The following RAB8A variants were observed in gnomAD, a reference collection of about 807,000 sequenced individuals.
RAB8A encodes the protein RAB8A, member RAS oncogene family.
In RAB8A, 5 loss-of-function variants were observed where a neutral mutation model predicts 29.2. That is an observed-to-expected ratio of 0.17 (90% CI 0.09 to 0.36). RAB8A has a LOEUF of 0.36. Among genes scored for constraint, RAB8A ranks in the 10% least tolerant of loss-of-function variants. The pLI is 1.00. For missense variants in RAB8A, 171 were observed against 272.2 expected, an observed-to-expected ratio of 0.63 and a Z score of 2.62; for synonymous variants, 108 against 99.9, an observed-to-expected ratio of 1.08 and a Z score of -0.49.
In RAB8A at chr19:16,132,452, A is replaced by G. The variant is rs2090930244; in HGVS notation, c.*148A>G. ...CACGGCCACCAGAATGCAATTGAGA[A>G]ATCGTTTATTTTAGTAACTGTCTGA... On this transcript the variant is annotated 3_prime_UTR_variant, in exon 8 of 8. Transcript: ENST00000300935. The surrounding 1 kb of genome is among the most constrained non-coding windows in gnomAD (Gnocchi z 5.6). The G allele has an allele frequency of 4.5e-6, 3 of 663,560 alleles. No homozygotes were observed. The highest frequency in any genetic ancestry group is 1.8e-5 in the African/African-American group (1 of 54,714). The allele number at this position is 663,560 out of a possible 1,614,324, so 41.1% of individuals were successfully genotyped here.
Position 16,125,579 on chromosome 19 carries a change from GC to G in RAB8A, c.324+33del. 6.3e-7 allele frequency: 1 copy of G among 1,580,576 alleles called. No individual in the cohort carries two copies. Among genetic ancestry groups the G allele is most frequent in the Non-Finnish European group, 8.7e-7 (1 of 1,155,280 alleles). ...CCCTCCGGCTCCTCCCACTGTCCCTGCTTCAGTCCTTGTCCCAGAGCCCTCT... is the reference window on the plus strand; with the variant it reads ...CCCTCCGGCTCCTCCCACTGTCCCTGTTCAGTCCTTGTCCCAGAGCCCTCT... On this transcript the variant is annotated intron_variant, in intron 4 of 7. Transcript: ENST00000300935. The surrounding 1 kb of genome is among the most constrained non-coding windows in gnomAD (Gnocchi z 5.0).
At chr19:16,130,874 AGTGCAATG>A (rs1272816571) in intron 7 of RAB8A, among the ~76,000 whole-genome samples, 1 of 151,890 alleles carries the variant, frequency 6.6e-6, no homozygotes, top group African/African-American at 2.4e-5. Flanking sequence ...CCCAGGCTAG[AGTGCAATG>A]GTGCAATCCC....
At chr19:16,112,262 G>A (rs528227155) in intron 1 of RAB8A, 53 of 535,292 alleles carry the variant, frequency 9.9e-5, no homozygotes, top group African/African-American at 7.7e-4. Context: ...CCCTCAGCCC[G>A]CTCGTTAGGG....
At position 16,133,350 on chromosome 19, in the gene RAB8A, T is replaced by C. The variant is rs893603724; in HGVS notation, c.*1046T>C. On this transcript the variant is annotated 3_prime_UTR_variant, in exon 8 of 8. Coordinates refer to ENST00000300935, the MANE Select transcript of RAB8A (RefSeq NM_005370.5). Reference sequence around the variant, plus strand: ...AGTCTGGCTTGATTTTCAGCCGTCATCATTGGGTTCTGTTTTGACAGCTCT... The same window carrying C: ...AGTCTGGCTTGATTTTCAGCCGTCACCATTGGGTTCTGTTTTGACAGCTCT... The C allele has an allele frequency of 2.6e-5, 4 of 152,252 alleles. No homozygotes were observed. Among genetic ancestry groups the C allele is most frequent in the African/African-American group, 9.7e-5 (4 of 41,430 alleles). The allele number at this position is 152,252 out of a possible 1,614,324, so 9.4% of individuals were successfully genotyped here.
rs545006979 is a variant in RAB8A at position 16,129,446 on chromosome 19, A to C, written c.481-108A>C. The C allele has an allele frequency of 2.1e-5, 23 of 1,094,970 alleles. No individual in the cohort carries two copies. The African/African-American group carries it at 3.4e-4, about 16-fold the overall frequency. 67.8% of individuals were successfully genotyped at this position (1,094,970 alleles called of 1,614,324 possible). A position where few individuals can be genotyped will look rare whatever the true frequency, so the allele number is the denominator to read the frequency against. On this transcript the variant is annotated intron_variant, in intron 6 of 7. Coordinates refer to ENST00000300935, the MANE Select transcript of RAB8A (RefSeq NM_005370.5). ...CCAGAGGCGGGCATCAAAGGGCCAA[A>C]TGGGAGGCCCACGCCTGGGAAGCTG...
At position 16,121,997 on chromosome 19, in the gene RAB8A, C is replaced by T. The variant is rs2090877611; in HGVS notation, c.246+187C>T. 5.6e-6 allele frequency: 3 copies of T among 539,658 alleles called. No individual in the cohort carries two copies. The East Asian group carries it at 8.6e-5, about 16-fold the overall frequency. The allele number at this position is 539,658 out of a possible 1,614,324, so 33.4% of individuals were successfully genotyped here. A position where few individuals can be genotyped will look rare whatever the true frequency, so the allele number is the denominator to read the frequency against. On this transcript the variant is annotated intron_variant, in intron 3 of 7. Transcript: ENST00000300935. ...CGGCCTACCCCCATGTACATACCTC[C>T]CCTTCTGGCTGCAGAGACAATGCAA...
At chr19:16,118,009 CT>C (rs1166684304) in intron 1 of RAB8A, among the ~76,000 whole-genome samples, 1 of 152,134 alleles carries the variant, frequency 6.6e-6, no homozygotes, top group East Asian at 1.9e-4. Flanking sequence ...CCCGCGCCCC[CT>C]GGGTTTGCTC....
chr19:16,112,145 G>C, intron 1 of RAB8A, 120 bp downstream of exon 1: 1 of 1,393,990 alleles, frequency 7.2e-7, no homozygotes, highest in Non-Finnish European at 9.7e-7. Flanking sequence ...GGGTCGAGGG[G>C]GCCTAAAGGG....
chr19:16,124,003 C>T (rs2090886250), intron 3 of RAB8A: 1 of 152,098 alleles, frequency 6.6e-6, no homozygotes, highest in Non-Finnish European at 1.5e-5. Flanking sequence ...CCCTCAGCTC[C>T]CTGAAATAGG....
chr19:16,120,849 G>A (rs993320931), intron 2 of RAB8A, among the ~76,000 whole-genome samples: 1 of 151,972 alleles, frequency 6.6e-6, no homozygotes, highest in African/African-American at 2.4e-5. Context: ...GGCCTCAGGT[G>A]ATCCACCCGC....
Position 16,132,110 on chromosome 19 carries a change from TTGGA to T in RAB8A, c.532-94_532-91del. 1.1e-6 allele frequency: 1 copy of T among 927,782 alleles called. No homozygotes were observed. The highest frequency in any genetic ancestry group is 1.7e-6 in the Non-Finnish European group (1 of 587,070). The allele number at this position is 927,782 out of a possible 1,614,324, so 57.5% of individuals were successfully genotyped here. A position where few individuals can be genotyped will look rare whatever the true frequency, so the allele number is the denominator to read the frequency against. On this transcript the variant is annotated intron_variant, in intron 7 of 7. Coordinates refer to ENST00000300935, the MANE Select transcript of RAB8A (RefSeq NM_005370.5). The surrounding 1 kb of genome is among the most constrained non-coding windows in gnomAD (Gnocchi z 5.6). The stretch of plus-strand genomic sequence containing the variant: ...GTTGGTTGGTTGGTTGGTTGGATGG[TTGGA>T]TGGATGGTTAGGTGGATGGTTAGGT...
intron 2 of RAB8A, among the ~76,000 whole-genome samples, chr19:16,118,886 A>T (rs2090859607): frequency 6.6e-6 from 1 of 152,248 alleles, no homozygotes; most frequent in Admixed American, 6.5e-5. Flanking sequence ...GGAGACTCCA[A>T]GTCGCCATCG....
intron 1 of RAB8A, 140 bp downstream of exon 1, chr19:16,112,165 G>T: frequency 3.2e-6 from 4 of 1,269,588 alleles, no homozygotes; most frequent in Middle Eastern, 2.8e-4. Context: ...GAGAAGAGCA[G>T]TCGCCTGCAC....
In RAB8A at chr19:16,127,939, C is replaced by T. The variant is rs758293183; in HGVS notation, c.415-87C>T. ...GCCCTGTTGCTGCTCCCTCTTGGCG[C>T]CGGCCCTGCCTTCAGCTCCTGTTTT... On this transcript the variant is annotated intron_variant, in intron 5 of 7. Transcript: ENST00000300935. This position sits in a 1 kb window ranked among gnomAD's most constrained non-coding sequence, Gnocchi z 4.8. 2.8e-6 allele frequency: 4 copies of T among 1,406,666 alleles called. No homozygotes were observed. The East Asian group carries it at 6.9e-5, about 24-fold the overall frequency. 87.1% of individuals were successfully genotyped at this position (1,406,666 alleles called of 1,614,324 possible). A position where few individuals can be genotyped will look rare whatever the true frequency, so the allele number is the denominator to read the frequency against.
chr19:16,119,971 G>A (rs1488884059), intron 2 of RAB8A, among the ~76,000 whole-genome samples: 3 of 151,814 alleles, frequency 2.0e-5, no homozygotes, highest in Non-Finnish European at 2.9e-5. Context: ...CTGCCACCAC[G>A]CTCGGCTAAT....
intron 2 of RAB8A, 51 bp downstream of exon 2, chr19:16,118,337 C>T: frequency 6.5e-7 from 1 of 1,550,164 alleles, no homozygotes; most frequent in Middle Eastern, 1.7e-4. Context: ...TGGCTTCAAG[C>T]CAGAAGCCCT....
intron 4 of RAB8A, chr19:16,126,358 C>T (rs1041077429): frequency 6.5e-6 from 1 of 152,970 alleles, no homozygotes; most frequent in East Asian, 1.9e-4. Context: ...AAGCTGTCTT[C>T]ATCCGTGGAG....
At chr19:16,120,862 C>T (rs560816344) in intron 2 of RAB8A, among the ~76,000 whole-genome samples, 1 of 151,966 alleles carries the variant, frequency 6.6e-6, no homozygotes, top group Non-Finnish European at 1.5e-5. Context: ...CCACCCGCCT[C>T]GGCCTCTTAA....
At chr19:16,128,888 ACTCTC>A (rs2090913313) in intron 6 of RAB8A, among the ~76,000 whole-genome samples, 1 of 151,348 alleles carries the variant, frequency 6.6e-6, no homozygotes, top group Admixed American at 6.6e-5. Context: ...ACCCCAAGCC[ACTCTC>A]CTCTCCAGAA....
Sources: gnomAD v4.1 joint callset for allele counts (sites outside exome capture counted in the v4.1 genomes callset) on GRCh38, gnomAD v4.1.1 for gene constraint, Gnocchi (gnomAD v3.1) non-coding constraint, MANE v1.5 for transcripts, NCBI Gene and HGNC (gene_info 2026-07-23, HGNC 2026-07-21) for gene names.